The following HAUS6 variants were observed in gnomAD, a reference collection of about 807,000 sequenced individuals.
HAUS6 encodes HAUS augmin-like complex subunit 6.
In HAUS6, 80 loss-of-function variants were observed where a neutral mutation model predicts 106.8. The ratio of observed to expected loss-of-function variants is 0.75; its 90% CI spans 0.63 to 0.90. The LOEUF (loss-of-function observed/expected upper bound fraction) is 0.90. Ranked by LOEUF, HAUS6 falls within the 40% of genes least tolerant of loss-of-function variation. The pLI is 0.00. For synonymous variants in HAUS6, 356 were observed against 379.1 expected (o/e 0.94, Z 0.71); for missense variants, 1,155 against 1,118.1 (o/e 1.03, Z -0.47).
intron 10 of HAUS6, among the ~76,000 whole-genome samples, 161 bp downstream of exon 10, chr9:19,078,015 C>G (rs1366365744): frequency 6.6e-6 from 1 of 151,760 alleles, no homozygotes; most frequent in Non-Finnish European, 1.5e-5. Flanking sequence ...AAGCTATGAT[C>G]ATGCCACCGT....
intron 1 of HAUS6, among the ~76,000 whole-genome samples, chr9:19,099,953 G>C (rs1817952033): frequency 6.6e-6 from 1 of 152,332 alleles, no homozygotes; most frequent in South Asian, 2.1e-4. Flanking sequence ...CAGCACTTTG[G>C]GAGGCCAAGG....
chr9:19,090,684 A>G (rs913512446), intron 4 of HAUS6, among the ~76,000 whole-genome samples: 19 of 152,174 alleles, frequency 1.2e-4, no homozygotes, highest in Non-Finnish European at 2.1e-4. Context: ...TAACAAAGGA[A>G]GAAAGTCAAT....
intron 11 of HAUS6, among the ~76,000 whole-genome samples, chr9:19,075,515 A>C (rs909695152): frequency 6.6e-6 from 1 of 150,914 alleles, no homozygotes; most frequent in Non-Finnish European, 1.5e-5. Context: ...AGGCCAAGGA[A>C]GGAGAATTGC....
chr9:19,094,869 A>AT (rs1247136585), intron 2 of HAUS6, among the ~76,000 whole-genome samples: 2 of 152,106 alleles, frequency 1.3e-5, no homozygotes, highest in East Asian at 1.9e-4. Flanking sequence ...GAGAAATTTA[A>AT]TTTTTTTATT....
intron 8 of HAUS6, among the ~76,000 whole-genome samples, chr9:19,081,390 C>A (rs1318288144): frequency 6.6e-6 from 1 of 152,062 alleles, no homozygotes; most frequent in African/African-American, 2.4e-5. Context: ...TTGGCTTGCA[C>A]ATTTCTATGT....
rs904435827 is a variant in HAUS6, at chr9:19,053,864, T to A, written c.*2479A>T. 1.3e-5 allele frequency: 2 copies of A among 152,094 alleles called. No homozygotes were observed. Among genetic ancestry groups the A allele is most frequent in the African/African-American group, 4.8e-5 (2 of 41,408 alleles). The allele number at this position is 152,094 out of a possible 1,614,324, so 9.4% of individuals were successfully genotyped here. A position where few individuals can be genotyped will look rare whatever the true frequency, so the allele number is the denominator to read the frequency against. On this transcript the variant is annotated 3_prime_UTR_variant, in exon 17 of 17. Transcript: ENST00000380502. Reference sequence around the variant, plus strand: ...GGGTATATGTATGTGTGTGAATACATACTCCCAACACACATTTACATAGGT... The same window carrying A: ...GGGTATATGTATGTGTGTGAATACAAACTCCCAACACACATTTACATAGGT...
At chr9:19,091,584 G>T (rs893023798) in intron 4 of HAUS6, among the ~76,000 whole-genome samples, 1 of 152,076 alleles carries the variant, frequency 6.6e-6, no homozygotes, top group African/African-American at 2.4e-5. Context: ...GGAGGCCAAG[G>T]TGGCAGGATT....
intron 10 of HAUS6, among the ~76,000 whole-genome samples, chr9:19,077,721 G>A (rs1049137833): frequency 1.3e-5 from 2 of 152,174 alleles, no homozygotes; most frequent in East Asian, 3.9e-4. Context: ...TAGGTCATTT[G>A]TAACACAATA....
At chr9:19,076,250 G>C (rs1203021745) in intron 11 of HAUS6, among the ~76,000 whole-genome samples, 2 of 151,758 alleles carry the variant, frequency 1.3e-5, no homozygotes, top group Non-Finnish European at 2.9e-5. Context: ...CCACATGAGA[G>C]GCTGAGGTGG....
chr9:19,068,613 G>A (rs1836818281), intron 12 of HAUS6, among the ~76,000 whole-genome samples: 1 of 151,782 alleles, frequency 6.6e-6, no homozygotes, highest in South Asian at 2.1e-4. Flanking sequence ...TTAAAATTTA[G>A]GATTTTCCTT....
intron 5 of HAUS6, among the ~76,000 whole-genome samples, chr9:19,088,867 G>C (rs998573594): frequency 6.6e-6 from 1 of 152,090 alleles, no homozygotes; most frequent in Non-Finnish European, 1.5e-5. Context: ...AACACAGCGA[G>C]ACTCCATCCC....
chr9:19,062,831 G>A (rs1437699872), intron 14 of HAUS6, among the ~76,000 whole-genome samples, 177 bp downstream of exon 14: 2 of 151,960 alleles, frequency 1.3e-5, no homozygotes, highest in Non-Finnish European at 1.5e-5. Flanking sequence ...ATGCTCAACT[G>A]TTTTTTTAAT....
At position 19,054,744 on chromosome 9, in the gene HAUS6, G is replaced by A. The variant is rs1174103510; in HGVS notation, c.*1599C>T. 2.0e-5 allele frequency: 3 copies of A among 152,160 alleles called. No individual in the cohort carries two copies. Among genetic ancestry groups the A allele is most frequent in the African/African-American group, 7.2e-5 (3 of 41,440 alleles). 9.4% of individuals were successfully genotyped at this position (152,160 alleles called of 1,614,324 possible). A position where few individuals can be genotyped will look rare whatever the true frequency, so the allele number is the denominator to read the frequency against. ...AAATGTGAATCTCTATTTCCTAGCA[G>A]CAGTTCTCAAACTCTTTCTCGAGCT... On this transcript the variant is annotated 3_prime_UTR_variant, in exon 17 of 17. Coordinates refer to ENST00000380502, the MANE Select transcript of HAUS6 (RefSeq NM_017645.5).
At chr9:19,080,324 A>T (rs938770847) in intron 9 of HAUS6, among the ~76,000 whole-genome samples, 155 bp downstream of exon 9, 2 of 152,010 alleles carry the variant, frequency 1.3e-5, no homozygotes, top group African/African-American at 4.8e-5. Context: ...TTTCTGCTTC[A>T]TGTATATCTC....
intron 7 of HAUS6, among the ~76,000 whole-genome samples, chr9:19,084,671 C>A (rs1837245447): frequency 1.4e-5 from 2 of 147,604 alleles, no homozygotes; most frequent in Admixed American, 6.8e-5. Flanking sequence ...CTCACTCTGT[C>A]ACCCAGGCTG....
At position 19,070,229 on chromosome 9, in the gene HAUS6, G is replaced by A; in HGVS notation, c.1366C>T (p.Leu456=). 6.4e-7 allele frequency: 1 copy of A among 1,566,374 alleles called. No individual in the cohort carries two copies. The highest frequency in any genetic ancestry group is 8.8e-7 in the Non-Finnish European group (1 of 1,137,918). ...TCAAATTTGTTTTACCTGTTGGCTAGATCATGTAGCGCTCCCAAGGTATCA... is the reference window on the plus strand; with the variant it reads ...TCAAATTTGTTTTACCTGTTGGCTAAATCATGTAGCGCTCCCAAGGTATCA... ...DSDTLGALHD[L]ANSPASFLSQ... is the part of the protein sequence containing the mutation. Residue 456 remains leucine (L), a synonymous_variant, in exon 12 of 17, where the codon CTA becomes TTA. Coordinates refer to ENST00000380502, the MANE Select transcript of HAUS6 (RefSeq NM_017645.5).
chr9:19,064,054 G>A (rs1200826278), intron 12 of HAUS6, among the ~76,000 whole-genome samples: 6 of 149,850 alleles, frequency 4.0e-5, no homozygotes, highest in Non-Finnish European at 5.9e-5. Context: ...CACGACCTCC[G>A]CCTCCCAGGT....
intron 1 of HAUS6, among the ~76,000 whole-genome samples, chr9:19,101,979 T>C (rs542449030): frequency 1.3e-5 from 2 of 152,184 alleles, no homozygotes; most frequent in Non-Finnish European, 2.9e-5. Flanking sequence ...CTGGCTAAAG[T>C]TGATAAAACA....
intron 4 of HAUS6, among the ~76,000 whole-genome samples, chr9:19,090,687 A>C (rs1817726559): frequency 1.3e-5 from 2 of 152,192 alleles, no homozygotes; most frequent in Admixed American, 1.3e-4. Context: ...CAAAGGAAGA[A>C]AGTCAATATA....
Sources: gnomAD v4.1 joint callset for allele counts (sites outside exome capture counted in the v4.1 genomes callset) on GRCh38, gnomAD v4.1.1 for gene constraint, MANE v1.5 for transcripts, NCBI Gene and HGNC (gene_info 2026-07-23, HGNC 2026-07-21) for gene names.